Variants in WDR27 observed in about 807,000 individuals in gnomAD.
The protein encoded by WDR27 is WD repeat-containing protein 27.
A neutral mutation model predicts 114.4 loss-of-function variants in WDR27; 100 were observed. The ratio of observed to expected loss-of-function variants is 0.87; its 90% CI spans 0.74 to 1.03. The LOEUF (loss-of-function observed/expected upper bound fraction) is 1.03, where lower values mean the gene tolerates loss of function less well. Among genes scored for constraint, WDR27 ranks in the 50% least tolerant of loss-of-function variants. The pLI is 0.00. For missense variants in WDR27, 1,129 were observed against 1,092.9 expected, an observed-to-expected ratio of 1.03 and a Z score of -0.47; for synonymous variants, 449 against 423.1, an observed-to-expected ratio of 1.06 and a Z score of -0.75.
rs1816779782 is a variant in WDR27, at chr6:169,632,982, G to A, written c.2188C>T (p.His730Tyr). ...GCSAAVIAEA[H>Y]SRPVHQICQN... ...CAGATTTGATGGACAGGCCGTGAGT[G>A]GGCTTCCGCTATCACCGCTGCACTG... The change falls in exon 21 of 26, where the codon CAC (histidine) becomes TAC (tyrosine). Residue 730 changes from histidine to tyrosine, a missense_variant. His to Tyr is a moderately conservative substitution (Grantham distance 83). Coordinates refer to ENST00000448612, the MANE Select transcript of WDR27 (RefSeq NM_182552.5). The A allele has an allele frequency of 6.3e-7, 1 of 1,595,234 alleles. No individual in the cohort carries two copies. Among genetic ancestry groups the A allele is most frequent in the Non-Finnish European group, 8.6e-7 (1 of 1,164,986 alleles).
chr6:169,445,367 C>T, the WDR27 span, among the ~76,000 whole-genome samples: 1 of 152,250 alleles, frequency 6.6e-6, no homozygotes, highest in Non-Finnish European at 1.5e-5. Flanking sequence ...AGGTCATGAT[C>T]ATGAGCCTGG....
chr6:169,562,195 C>T (rs1490382622), intron 25 of WDR27, among the ~76,000 whole-genome samples: 1 of 152,182 alleles, frequency 6.6e-6, no homozygotes, highest in East Asian at 1.9e-4. Context: ...CTAACCAACA[C>T]GACACGTTTC....
chr6:169,597,923 C>T (rs1807160195), intron 23 of WDR27, among the ~76,000 whole-genome samples: 1 of 150,074 alleles, frequency 6.7e-6, no homozygotes, highest in Non-Finnish European at 1.5e-5. Context: ...CACACAGATG[C>T]ATCCCTCTGT....
chr6:169,540,431 CTT>C (rs66671017), intron 25 of WDR27, among the ~76,000 whole-genome samples: 37 of 144,802 alleles, frequency 2.6e-4, no homozygotes, highest in Non-Finnish European at 2.6e-4. Context: ...TGAATAGAAT[CTT>C]TTTTTTTTTT....
At chr6:169,675,115 C>A (rs150147938) in intron 2 of WDR27, among the ~76,000 whole-genome samples, 41 of 152,302 alleles carry the variant, frequency 2.7e-4, no homozygotes, top group African/African-American at 9.4e-4. Flanking sequence ...GATGGCCGAG[C>A]TTGGGCTCAG....
At chr6:169,465,280 A>G (rs970679322) in intron 25 of WDR27, among the ~76,000 whole-genome samples, 4 of 146,064 alleles carry the variant, frequency 2.7e-5, no homozygotes, top group Admixed American at 2.0e-4. Flanking sequence ...AAAAAAAAAA[A>G]AGAAATAAAG....
At chr6:169,631,497 G>A (rs1048180267) in intron 21 of WDR27, among the ~76,000 whole-genome samples, 13 of 152,098 alleles carry the variant, frequency 8.5e-5, no homozygotes, top group African/African-American at 1.2e-4. Context: ...TCCCTTCTCC[G>A]ACCAAGGCTG....
chr6:169,699,686 G>C (rs953936821), intron 1 of WDR27, among the ~76,000 whole-genome samples: 2 of 152,068 alleles, frequency 1.3e-5, no homozygotes, highest in Non-Finnish European at 1.5e-5. Context: ...TAGAATCAAG[G>C]GCCTCAGCAA....
At chr6:169,616,316 T>A (rs1811817381) in intron 21 of WDR27, among the ~76,000 whole-genome samples, 1 of 152,086 alleles carries the variant, frequency 6.6e-6, no homozygotes, top group East Asian at 1.9e-4. Flanking sequence ...GGTGAAACCC[T>A]GTCTCTACTA....
At chr6:169,635,088 C>A (rs750325834) in intron 19 of WDR27, among the ~76,000 whole-genome samples, 15 of 152,134 alleles carry the variant, frequency 9.9e-5, no homozygotes, top group African/African-American at 3.6e-4. Flanking sequence ...AAACTTTAGG[C>A]CAGGTGTGGT....
intron 25 of WDR27, among the ~76,000 whole-genome samples, chr6:169,536,331 C>T (rs1042279530): frequency 6.6e-6 from 1 of 152,026 alleles, no homozygotes; most frequent in Non-Finnish European, 1.5e-5. Flanking sequence ...TGTGCATCAC[C>T]AGAGCTACAC....
intron 15 of WDR27, among the ~76,000 whole-genome samples, chr6:169,648,942 A>G (rs979513999): frequency 6.6e-6 from 1 of 152,276 alleles, no homozygotes; most frequent in African/African-American, 2.4e-5. Context: ...GGCATTTTCT[A>G]AACTAAATTT....
intron 3 of WDR27, chr6:169,670,940 C>T (rs367822920): frequency 7.2e-4 from 333 of 463,322 alleles, no homozygotes; most frequent in African/African-American, 5.7e-3. Flanking sequence ...AGATGCCTTT[C>T]TCTGGAGGCT....
intron 25 of WDR27, among the ~76,000 whole-genome samples, chr6:169,480,517 G>T (rs567366605): frequency 6.6e-6 from 1 of 152,340 alleles, no homozygotes; most frequent in South Asian, 2.1e-4. Flanking sequence ...AGTCGGGTGG[G>T]GTCTTGGAGA....
At chr6:169,604,366 G>A (rs544193233) in intron 22 of WDR27, among the ~76,000 whole-genome samples, 4 of 152,112 alleles carry the variant, frequency 2.6e-5, no homozygotes, top group South Asian at 2.1e-4. Context: ...AAATGGATAC[G>A]TTCCTGGAAA....
the WDR27 span, among the ~76,000 whole-genome samples, chr6:169,437,371 G>A: frequency 6.6e-6 from 1 of 152,040 alleles, no homozygotes; most frequent in Admixed American, 6.6e-5. Flanking sequence ...ATCTGCTGTG[G>A]GTTTTAAAAA....
chr6:169,503,812 C>CA (rs1426484926), intron 25 of WDR27, among the ~76,000 whole-genome samples: 11 of 151,678 alleles, frequency 7.3e-5, no homozygotes, highest in African/African-American at 2.4e-4. Flanking sequence ...ATCAATCTAG[C>CA]ATGCCACTTC....
rs1478439045 is a variant in WDR27, at chr6:169,676,873, T to A, written c.190-4477A>T. ...CTTATGTCTCCCTAAATTGTATAAATCCAAGCTGTAGCCTGACCATCACGC... is the reference window on the plus strand; with the variant it reads ...CTTATGTCTCCCTAAATTGTATAAAACCAAGCTGTAGCCTGACCATCACGC... On this transcript the variant is annotated intron_variant, in intron 2 of 25. Transcript: ENST00000448612. Among the ~76,000 whole-genome samples, 5 of 152,296 alleles carry A rather than the reference T, an allele frequency of 3.3e-5. No homozygotes were observed. The East Asian group carries it at 7.7e-4, about 24-fold the overall frequency.
At chr6:169,528,132 T>C (rs1795157497) in intron 25 of WDR27, among the ~76,000 whole-genome samples, 1 of 152,170 alleles carries the variant, frequency 6.6e-6, no homozygotes, top group Admixed American at 6.5e-5. Flanking sequence ...ACAAATTACA[T>C]AAATGTGCAA....
Sources: gnomAD v4.1 joint callset for allele counts (sites outside exome capture counted in the v4.1 genomes callset) on GRCh38, gnomAD v4.1.1 for gene constraint, MANE v1.5 for transcripts, NCBI Gene and HGNC (gene_info 2026-07-23, HGNC 2026-07-21) for gene names.